SYNCRIP: variants seen among roughly 807,000 people sequenced by gnomAD.
SYNCRIP encodes the protein synaptotagmin binding cytoplasmic RNA interacting protein.
SYNCRIP carries 9 observed loss-of-function variants against 68.9 expected under a neutral mutation model. The ratio of observed to expected loss-of-function variants is 0.13; its 90% CI spans 0.08 to 0.23. The LOEUF (loss-of-function observed/expected upper bound fraction) is 0.23. Ranked by LOEUF, SYNCRIP falls within the 10% of genes least tolerant of loss-of-function variation. The pLI is 1.00. For synonymous variants in SYNCRIP, 258 were observed against 254.0 expected, an observed-to-expected ratio of 1.02 and a Z score of -0.15; for missense variants, 414 against 770.6, an observed-to-expected ratio of 0.54 and a Z score of 5.48.
At chr6:85,623,579 A>AAAAAAAAAAAAACAAAAAAAAAAAAC (rs1554184894) in intron 7 of SYNCRIP, among the ~76,000 whole-genome samples, 11 of 125,868 alleles carry the variant, frequency 8.7e-5, no homozygotes, top group African/African-American at 1.3e-4. Flanking sequence ...AAAAAAAAAA[A>AAAAAAAAAAAAACAAAAAAAAAAAAC]AAAACACTCT....
intron 6 of SYNCRIP, among the ~76,000 whole-genome samples, chr6:85,627,867 T>C (rs1304595087): frequency 3.3e-5 from 5 of 152,152 alleles, no homozygotes; most frequent in Non-Finnish European, 7.3e-5. Flanking sequence ...ACCAAAACAG[T>C]AGTACAGTCT....
chr6:85,614,722 A>G lies in SYNCRIP; in HGVS notation c.*34T>C. ...TTTAGGGTGAGTTTCTGATCAACCT[A>G]TCAGTCTCCAATTTTACAGAGGCCC... On this transcript the variant is annotated 3_prime_UTR_variant, in exon 11 of 11. Transcript: ENST00000369622. 6.5e-7 allele frequency: 1 copy of G among 1,539,526 alleles called. No homozygotes were observed. Among genetic ancestry groups the G allele is most frequent in the Middle Eastern group, 1.8e-4 (1 of 5,654 alleles).
intron 1 of SYNCRIP, among the ~76,000 whole-genome samples, chr6:85,642,275 G>T (rs968769524): frequency 1.3e-5 from 2 of 152,112 alleles, no homozygotes; most frequent in East Asian, 3.9e-4. Flanking sequence ...CCCGGGCGCC[G>T]ACGACCCCCG....
chr6:85,633,890 G>C (rs1808125395), intron 6 of SYNCRIP, among the ~76,000 whole-genome samples: 1 of 152,040 alleles, frequency 6.6e-6, no homozygotes, highest in Non-Finnish European at 1.5e-5. Flanking sequence ...CCAAAGTGCT[G>C]GGACTACAGG....
At chr6:85,642,123 G>A (rs1246198057) in intron 1 of SYNCRIP, among the ~76,000 whole-genome samples, 1 of 152,168 alleles carries the variant, frequency 6.6e-6, no homozygotes, top group East Asian at 1.9e-4. Flanking sequence ...ACCCGAAGCC[G>A]CGGTCGGAGC....
intron 6 of SYNCRIP, among the ~76,000 whole-genome samples, chr6:85,624,660 G>A (rs1389640156): frequency 6.6e-6 from 1 of 152,176 alleles, no homozygotes; most frequent in Admixed American, 6.5e-5. Flanking sequence ...AAGAGAAGTA[G>A]ATTTGTCATG....
At chr6:85,641,005 T>C (rs1056295045) in intron 2 of SYNCRIP, among the ~76,000 whole-genome samples, 4 of 152,154 alleles carry the variant, frequency 2.6e-5, no homozygotes, top group Admixed American at 6.5e-5. Context: ...ATAAAAATAC[T>C]CAAAAAAGTC....
intron 8 of SYNCRIP, among the ~76,000 whole-genome samples, chr6:85,620,512 G>C (rs1048980720): frequency 6.6e-6 from 1 of 152,140 alleles, no homozygotes; most frequent in Non-Finnish European, 1.5e-5. Context: ...GAATGGGGAG[G>C]GATGACTAAG....
chr6:85,627,185 T>A (rs537031824), intron 6 of SYNCRIP, among the ~76,000 whole-genome samples: 16 of 151,434 alleles, frequency 1.1e-4, no homozygotes, highest in African/African-American at 3.6e-4. Context: ...GGAGAATCAC[T>A]TGAAACTGGG....
Position 85,642,637 on chromosome 6 carries a change from G to A in SYNCRIP, c.-13+160C>T, listed in dbSNP as rs998350668. On this transcript the variant is annotated intron_variant, in intron 1 of 10. Transcript: ENST00000369622. ...CATGGAAAGGAGGAAGTGGCGGCGC[G>A]GGCCGCGGCCTACTCCCAGGCAGCC... 3.3e-5 allele frequency among the ~76,000 whole-genome samples: 5 copies of A among 152,332 alleles called. No homozygotes were observed. The East Asian group carries it at 5.8e-4, about 18-fold the overall frequency.
rs1808999495 is a variant in SYNCRIP at position 85,640,484 on chromosome 6, G to C, written c.229C>G (p.Leu77Val). 6.2e-7 allele frequency: 1 copy of C among 1,608,524 alleles called. No individual in the cohort carries two copies. The highest frequency in any genetic ancestry group is 1.3e-5 in the African/African-American group (1 of 74,466). ...EFNEDGALAV[L>V]QQFKDSDLSH... ...AGATCACTGTCTTTAAACTGTTGAA[G>C]AACTGCCAATGCACCGTCTTCATTG... The change falls in exon 3 of 11, where the codon CTT becomes GTT. Residue 77 changes from leucine (L) to valine (V), a missense_variant. Leu to Val is a conservative substitution (Grantham distance 32). Transcript: ENST00000369622.
chr6:85,620,396 G>A (rs1332640905), intron 8 of SYNCRIP, among the ~76,000 whole-genome samples: 1 of 152,134 alleles, frequency 6.6e-6, no homozygotes, highest in African/African-American at 2.4e-5. Flanking sequence ...CTTTAAATAT[G>A]TATTACTAAG....
intron 6 of SYNCRIP, among the ~76,000 whole-genome samples, chr6:85,624,817 A>G (rs950719348): frequency 6.6e-6 from 1 of 152,242 alleles, no homozygotes; most frequent in Admixed American, 6.5e-5. Flanking sequence ...TACAAACCCA[A>G]GTGCAAAAGT....
intron 6 of SYNCRIP, among the ~76,000 whole-genome samples, chr6:85,628,215 C>T (rs1807286238): frequency 6.6e-6 from 1 of 152,110 alleles, no homozygotes; most frequent in Admixed American, 6.6e-5. Flanking sequence ...GCCACCACAC[C>T]CGGCTAATTT....
chr6:85,614,431 A>C lies in SYNCRIP; in HGVS notation c.*325T>G, dbSNP rs964899897. On this transcript the variant is annotated 3_prime_UTR_variant, in exon 11 of 11. Coordinates refer to ENST00000369622, the MANE Select transcript of SYNCRIP (RefSeq NM_006372.5). Reference sequence around the variant, plus strand: ...CTTGGTTTTAATCAACTACCTTTGAAGACACCAAATCTAAACACTACTGGA... The same window carrying C: ...CTTGGTTTTAATCAACTACCTTTGACGACACCAAATCTAAACACTACTGGA... 1 of 1,036,008 alleles carries C rather than the reference A, an allele frequency of 9.7e-7. No individual in the cohort carries two copies. Among genetic ancestry groups the C allele is most frequent in the Non-Finnish European group, 1.2e-6 (1 of 863,856 alleles). 64.2% of individuals were successfully genotyped at this position (1,036,008 alleles called of 1,614,324 possible).
downstream of SYNCRIP, chr6:85,611,233 G>C (rs1304201471): frequency 6.6e-6 from 1 of 151,986 alleles, no homozygotes; most frequent in Non-Finnish European, 1.5e-5. Flanking sequence ...TAAACCAGAA[G>C]ATTTCTACAC....
chr6:85,626,392 G>C (rs1329965766), intron 6 of SYNCRIP, among the ~76,000 whole-genome samples: 1 of 151,980 alleles, frequency 6.6e-6, no homozygotes, highest in African/African-American at 2.4e-5. Context: ...CCAGAAAAAG[G>C]TGGAAAGAAA....
intron 6 of SYNCRIP, among the ~76,000 whole-genome samples, chr6:85,628,788 A>G (rs141282190): frequency 6.6e-6 from 1 of 152,326 alleles, no homozygotes; most frequent in Non-Finnish European, 1.5e-5. Flanking sequence ...TAAACTTTCT[A>G]TCTCAGGCTA....
At position 85,618,953 on chromosome 6, in the gene SYNCRIP, A is replaced by T. The variant is rs371134604; in HGVS notation, c.1159-14T>A. The T allele has an allele frequency of 1.9e-6, 3 of 1,592,778 alleles. No homozygotes were observed. Among genetic ancestry groups the T allele is most frequent in the Non-Finnish European group, 2.6e-6 (3 of 1,168,508 alleles). ...TTCTTCCATAGCCTTAAAAAATTAG[A>T]TAAGTCAATATAAAAATAGGACTTT... On this transcript the variant is annotated splice_polypyrimidine_tract_variant and intron_variant, in intron 9 of 10. Coordinates refer to ENST00000369622, the MANE Select transcript of SYNCRIP (RefSeq NM_006372.5).
Sources: gnomAD v4.1 joint callset for allele counts (sites outside exome capture counted in the v4.1 genomes callset) on GRCh38, gnomAD v4.1.1 for gene constraint, MANE v1.5 for transcripts, NCBI Gene and HGNC (gene_info 2026-07-23, HGNC 2026-07-21) for gene names.